ZNF462: variants seen among roughly 807,000 people sequenced by gnomAD.
ZNF462 encodes zinc finger PBX1-interacting protein.
Under a neutral mutation model 201.9 loss-of-function variants are expected in ZNF462, and 10 were observed. That is an observed-to-expected ratio of 0.05 (90% CI 0.03 to 0.08). The LOEUF is 0.08. ZNF462 is among the 10% of genes least tolerant of loss of function. ZNF462 has a pLI of 1.00. For synonymous variants in ZNF462, 1,227 were observed against 1,193.3 expected (o/e 1.03, Z -0.58); for missense variants, 2,523 against 3,168.3 (o/e 0.80, Z 4.89).
At chr9:106,887,851 A>C (rs1237837497) in intron 1 of ZNF462, among the ~76,000 whole-genome samples, 1 of 152,208 alleles carries the variant, frequency 6.6e-6, no homozygotes, top group Non-Finnish European at 1.5e-5. Flanking sequence ...TTTAGAAAGA[A>C]AGACTGATAA....
chr9:106,903,442 C>T (rs367879142), intron 1 of ZNF462, among the ~76,000 whole-genome samples: 1 of 152,208 alleles, frequency 6.6e-6, no homozygotes, highest in East Asian at 1.9e-4. Context: ...CTGTTAAGTC[C>T]ATTTGTTCCA....
chr9:106,939,157 CT>C, intron 7 of ZNF462, 50 bp downstream of exon 7: 1 of 1,446,430 alleles, frequency 6.9e-7, no homozygotes, highest in South Asian at 1.5e-5. Context: ...TTGAGGTGGG[CT>C]GGGATTCATT....
At position 106,923,085 on chromosome 9, in the gene ZNF462, A is replaced by G. The variant is rs1830050737; in HGVS notation, c.-30-269A>G. 6.6e-6 allele frequency among the ~76,000 whole-genome samples: 1 copy of G among 152,246 alleles called. No individual in the cohort carries two copies. Among genetic ancestry groups the G allele is most frequent in the South Asian group, 2.1e-4 (1 of 4,828 alleles). On this transcript the variant is annotated intron_variant, in intron 1 of 12. Transcript: ENST00000277225. The surrounding 1 kb of genome is among the most constrained non-coding windows in gnomAD (Gnocchi z 5.6). ...AACTTCTAAAACTTTTGAAGTATTA[A>G]GCGTTTCCTTGACAAATGGCATTGG...
chr9:106,914,294 C>A (rs1458716252), intron 1 of ZNF462, among the ~76,000 whole-genome samples: 1 of 152,120 alleles, frequency 6.6e-6, no homozygotes, highest in African/African-American at 2.4e-5. Flanking sequence ...AGTTTTCAGT[C>A]TCAGCACTAT....
chr9:106,936,714 C>T (rs921493932), intron 6 of ZNF462, among the ~76,000 whole-genome samples: 1 of 152,228 alleles, frequency 6.6e-6, no homozygotes, highest in Non-Finnish European at 1.5e-5. Context: ...AGCTGGGACA[C>T]TATCCTGGTG....
chr9:106,932,577 G>C lies in ZNF462; in HGVS notation c.6116+28G>C, dbSNP rs1830468480. The C allele has an allele frequency of 6.2e-7, 1 of 1,614,032 alleles. No individual in the cohort carries two copies. Among genetic ancestry groups the C allele is most frequent in the African/African-American group, 1.3e-5 (1 of 74,936 alleles). On this transcript the variant is annotated intron_variant, in intron 5 of 12. Transcript: ENST00000277225. The surrounding 1 kb of genome is among the most constrained non-coding windows in gnomAD (Gnocchi z 6.8). Reference sequence around the variant, plus strand: ...AAGTGCTATTGGGGGGTCACTAGTGGTTACTGGGAGATGATGTCATAGTGG... The same window carrying C: ...AAGTGCTATTGGGGGGTCACTAGTGCTTACTGGGAGATGATGTCATAGTGG...
In ZNF462 at chr9:106,905,750, C is replaced by T. The variant is rs560484862; in HGVS notation, c.-30-17604C>T. ...CTGGTCTCACTCTCACCGTGACCCCCGCAACAGCCCCGAGTCTGTTTCCAG... is the reference window on the plus strand; with the variant it reads ...CTGGTCTCACTCTCACCGTGACCCCTGCAACAGCCCCGAGTCTGTTTCCAG... On this transcript the variant is annotated intron_variant, in intron 1 of 12. Transcript: ENST00000277225. This position sits in a 1 kb window ranked among gnomAD's most constrained non-coding sequence, Gnocchi z 5.9. Among the ~76,000 whole-genome samples, 4 of 152,254 alleles carry T rather than the reference C, an allele frequency of 2.6e-5. No individual in the cohort carries two copies. Among genetic ancestry groups the T allele is most frequent in the East Asian group, 1.9e-4 (1 of 5,154 alleles).
At chr9:106,987,902 C>T (rs1465278138) in intron 10 of ZNF462, among the ~76,000 whole-genome samples, 1 of 152,148 alleles carries the variant, frequency 6.6e-6, no homozygotes, top group African/African-American at 2.4e-5. Context: ...TATCCCAGCA[C>T]CATTTGTTGA....
intron 1 of ZNF462, among the ~76,000 whole-genome samples, chr9:106,881,898 A>G (rs1828113380): frequency 1.3e-5 from 2 of 152,122 alleles, no homozygotes; most frequent in African/African-American, 4.8e-5. Flanking sequence ...AATTCCTTAG[A>G]TGAAGTTCTG....
intron 9 of ZNF462, among the ~76,000 whole-genome samples, chr9:106,980,226 A>G (rs778459290): frequency 2.0e-5 from 3 of 152,110 alleles, no homozygotes; most frequent in Non-Finnish European, 2.9e-5. Context: ...ATGTTTGTCT[A>G]TTTATGGCTA....
intron 9 of ZNF462, chr9:106,975,166 T>C (rs187634343): frequency 6.6e-6 from 1 of 152,338 alleles, no homozygotes; most frequent in African/African-American, 2.4e-5. Flanking sequence ...CCAGTCTTGA[T>C]TGGTGTTTCT....
chr9:106,989,394 G>C (rs1828097523), intron 10 of ZNF462, among the ~76,000 whole-genome samples: 1 of 152,116 alleles, frequency 6.6e-6, no homozygotes, highest in Non-Finnish European at 1.5e-5. Flanking sequence ...AAACCCACTT[G>C]ATCATGGTGG....
Position 106,923,424 on chromosome 9 carries a change from C to T in ZNF462, c.41C>T (p.Pro14Leu), listed in dbSNP as rs773338666. 1.6e-5 allele frequency: 26 copies of T among 1,614,032 alleles called. No homozygotes were observed. The South Asian group carries it at 2.1e-4, about 13-fold the overall frequency. The change falls in exon 2 of 13, where the codon CCG becomes CTG. Residue 14 changes from proline to leucine, a missense_variant. This residue lies in a region of ZNF462 where 480 missense variants were observed against 544.4 expected (regional missense o/e 0.88). Transcript: ENST00000277225. This position sits in a 1 kb window ranked among gnomAD's most constrained non-coding sequence, Gnocchi z 5.6. ...LQCDGCDFRA[P>L]SYEDLKAHIQ... ...TGTGATGGCTGTGATTTCCGAGCCC[C>T]GTCTTATGAAGATCTCAAGGCACAC...
At chr9:106,889,351 G>T (rs2131029351) in intron 1 of ZNF462, among the ~76,000 whole-genome samples, 1 of 152,324 alleles carries the variant, frequency 6.6e-6, no homozygotes, top group Middle Eastern at 3.4e-3. Flanking sequence ...TCGTTAACGA[G>T]CTCAGGGTGT....
At chr9:107,007,600 A>C (rs1184079385) in intron 11 of ZNF462, among the ~76,000 whole-genome samples, 1 of 152,234 alleles carries the variant, frequency 6.6e-6, no homozygotes, top group Non-Finnish European at 1.5e-5. Context: ...TCCTTGAAAG[A>C]GCAGCCTCCT....
In ZNF462 at chr9:106,963,932, C is replaced by T. The variant is rs1297083448; in HGVS notation, c.6428-8073C>T. Among the ~76,000 whole-genome samples the T allele has an allele frequency of 1.3e-5, 2 of 151,872 alleles. No homozygotes were observed. Among genetic ancestry groups the T allele is most frequent in the African/African-American group, 2.4e-5 (1 of 41,354 alleles). Reference sequence around the variant, plus strand: ...TCTAGGTGCCTCATGGAAGTGGCATCGTGCAGTATTTGTCCCTCTGTGACT... The same window carrying T: ...TCTAGGTGCCTCATGGAAGTGGCATTGTGCAGTATTTGTCCCTCTGTGACT... On this transcript the variant is annotated intron_variant, in intron 7 of 12. Transcript: ENST00000277225. The surrounding 1 kb of genome is among the most constrained non-coding windows in gnomAD (Gnocchi z 4.7).
Position 106,929,038 on chromosome 9 carries a change from G to A in ZNF462, c.5126G>A (p.Arg1709His), listed in dbSNP as rs773427004. The change falls in exon 3 of 13, where the codon CGC becomes CAC. Residue 1709 changes from arginine (R) to histidine (H), a missense_variant. This residue lies in a region of ZNF462 where 17 missense variants were observed against 57.6 expected (regional missense o/e 0.29). Transcript: ENST00000277225. This position sits in a 1 kb window ranked among gnomAD's most constrained non-coding sequence, Gnocchi z 8.7. ...CTGTGTGCCTACACCAACCCCATCCGCAAAGGTCTGGCAGCCCACTACCAG... is the reference window on the plus strand; with the variant it reads ...CTGTGTGCCTACACCAACCCCATCCACAAAGGTCTGGCAGCCCACTACCAG... Reference protein sequence around the residue: ...CALCAYTNPIRKGLAAHYQKR... With the variant: ...CALCAYTNPIHKGLAAHYQKR... 3.7e-6 allele frequency: 6 copies of A among 1,613,788 alleles called. No individual in the cohort carries two copies. Among genetic ancestry groups the A allele is most frequent in the Non-Finnish European group, 5.1e-6 (6 of 1,179,984 alleles).
intron 1 of ZNF462, among the ~76,000 whole-genome samples, chr9:106,916,647 G>A: frequency 6.6e-6 from 1 of 152,246 alleles, no homozygotes; most frequent in East Asian, 1.9e-4. Context: ...ACTTCCTGGT[G>A]AACCCATGAC....
intron 10 of ZNF462, among the ~76,000 whole-genome samples, chr9:106,990,375 A>G (rs1165228611): frequency 6.6e-6 from 1 of 152,062 alleles, no homozygotes; most frequent in Non-Finnish European, 1.5e-5. Context: ...TGCACTGTTG[A>G]ATAGAATGTG....
Sources: allele counts gnomAD v4.1 joint callset (sites outside exome capture counted in the v4.1 genomes callset), GRCh38; gene constraint gnomAD v4.1.1; regional missense constraint gnomAD v4.1.1; non-coding constraint Gnocchi (gnomAD v3.1); transcripts MANE v1.5; gene names NCBI Gene and HGNC (gene_info 2026-07-23, HGNC 2026-07-21).